ARPP21: variants seen among roughly 807,000 people sequenced by gnomAD.
The protein encoded by ARPP21 is cAMP regulated phosphoprotein 21, also known as cAMP-regulated phosphoprotein 21.
In ARPP21, 69 loss-of-function variants were observed where a neutral mutation model predicts 113.2. The ratio of observed to expected loss-of-function variants is 0.61; its 90% CI spans 0.50 to 0.74. ARPP21 has a LOEUF of 0.74. ARPP21 is among the 30% of genes least tolerant of loss of function. The pLI is 0.00. For synonymous variants in ARPP21, 368 were observed against 375.5 expected (o/e 0.98, Z 0.23); for missense variants, 1,070 against 1,037.4 (o/e 1.03, Z -0.43).
chr3:35,685,158 C>CT (rs2080177217), intron 5 of ARPP21: 1 of 985,274 alleles, frequency 1.0e-6, no homozygotes, highest in African/African-American at 1.7e-5. Context: ...ACTTAATCTG[C>CT]TTTTTGTCCC....
intron 18 of ARPP21, among the ~76,000 whole-genome samples, chr3:35,741,297 G>T (rs911026317): frequency 1.1e-4 from 16 of 152,078 alleles, no homozygotes; most frequent in Non-Finnish European, 1.9e-4. Context: ...GATAAAACAG[G>T]TGTCCATGGT....
chr3:35,661,856 G>A (rs1227051608), intron 1 of ARPP21, among the ~76,000 whole-genome samples: 1 of 152,012 alleles, frequency 6.6e-6, no homozygotes, highest in Non-Finnish European at 1.5e-5. Context: ...TGGTTGTGAG[G>A]TAATAAATGA....
intron 1 of ARPP21, among the ~76,000 whole-genome samples, chr3:35,667,059 C>T (rs1012084809): frequency 4.6e-5 from 7 of 152,100 alleles, no homozygotes; most frequent in Admixed American, 1.3e-4. Flanking sequence ...TCTGCCTCAC[C>T]CCTAGAGTGA....
chr3:35,654,663 C>A (rs1021914286), intron 1 of ARPP21, among the ~76,000 whole-genome samples: 3 of 152,026 alleles, frequency 2.0e-5, no homozygotes, highest in Non-Finnish European at 4.4e-5. Flanking sequence ...TGTTTGTTGG[C>A]AGAGGGTGAC....
chr3:35,780,146 T>A (rs137949523), intron 19 of ARPP21, among the ~76,000 whole-genome samples: 183 of 152,330 alleles, frequency 1.2e-3, no homozygotes, highest in African/African-American at 4.3e-3. Context: ...CTAGCTTTTT[T>A]TCTACCTATG....
At chr3:35,769,442 T>C (rs2096113779) in intron 19 of ARPP21, among the ~76,000 whole-genome samples, 1 of 152,176 alleles carries the variant, frequency 6.6e-6, no homozygotes, top group Admixed American at 6.6e-5. Flanking sequence ...ATCTTAGCTT[T>C]GTGGTTCCAA....
intron 19 of ARPP21, among the ~76,000 whole-genome samples, chr3:35,752,759 T>C (rs2095443438): frequency 6.6e-6 from 1 of 152,066 alleles, no homozygotes; most frequent in Non-Finnish European, 1.5e-5. Context: ...AAATAGTACA[T>C]TTTTATTCAT....
At chr3:35,727,975 G>A (rs1414170456) in intron 14 of ARPP21, among the ~76,000 whole-genome samples, 1 of 151,856 alleles carries the variant, frequency 6.6e-6, no homozygotes, top group African/African-American at 2.4e-5. Context: ...TTACCTGTGT[G>A]TTTGAAAAAT....
At chr3:35,700,368 A>C (rs573548369) in intron 9 of ARPP21, among the ~76,000 whole-genome samples, 67 of 151,902 alleles carry the variant, frequency 4.4e-4, no homozygotes, top group Non-Finnish European at 9.0e-4. Flanking sequence ...ATGCTAGTTT[A>C]TGCCCATTTT....
intron 11 of ARPP21, 132 bp downstream of exon 11, chr3:35,709,202 T>C: frequency 3.1e-6 from 2 of 652,084 alleles, no homozygotes; most frequent in Non-Finnish European, 5.3e-6. Context: ...TGAAGAAAAC[T>C]AGAGGTGATT....
rs73061107 is a variant in ARPP21, at chr3:35,752,576, G to A, written c.2137+8611G>A. ...GCTATCCCCAAGCCCTCTCATGGGA[G>A]ATGAGAAGGTTACTATAACCAGGGT... On this transcript the variant is annotated intron_variant, in intron 19 of 20. Transcript: ENST00000684406. 8.1e-3 allele frequency among the ~76,000 whole-genome samples: 1,230 copies of A among 152,146 alleles called. 7 individuals carry two copies. Among genetic ancestry groups the A allele is most frequent in the South Asian group, 0.016 (78 of 4,824 alleles).
At chr3:35,671,322 TG>T (rs2076289610) in intron 1 of ARPP21, among the ~76,000 whole-genome samples, 1 of 152,192 alleles carries the variant, frequency 6.6e-6, no homozygotes, top group African/African-American at 2.4e-5. Flanking sequence ...AACACAATGT[TG>T]CTACCAAAAT....
Position 35,696,773 on chromosome 3 carries a change from TA to T in ARPP21, c.686+5773del, listed in dbSNP as rs1305314306. Among the ~76,000 whole-genome samples the T allele has an allele frequency of 5.3e-5, 8 of 151,724 alleles. No individual in the cohort carries two copies. In the East Asian group the frequency reaches 1.6e-3, roughly 30 times the overall value. Reference sequence around the variant, plus strand: ...CATTTTTGATATTTAGGATTTAGGTTAAAAATATGAATAGTGATCTTATCAA... The same window carrying T: ...CATTTTTGATATTTAGGATTTAGGTTAAAATATGAATAGTGATCTTATCAA... On this transcript the variant is annotated intron_variant, in intron 9 of 20. Coordinates refer to ENST00000684406, the MANE Select transcript of ARPP21 (RefSeq NM_001385562.1).
intron 19 of ARPP21, among the ~76,000 whole-genome samples, chr3:35,766,608 C>T (rs774803108): frequency 2.0e-5 from 3 of 152,156 alleles, no homozygotes; most frequent in African/African-American, 7.2e-5. Context: ...CCTGCTCAAA[C>T]GCACCCTTTG....
chr3:35,660,421 G>A (rs933500470), intron 1 of ARPP21, among the ~76,000 whole-genome samples: 2 of 152,110 alleles, frequency 1.3e-5, no homozygotes, highest in Non-Finnish European at 2.9e-5. Context: ...CTCTTACTCT[G>A]CTTCCACCCC....
chr3:35,705,995 C>T (rs1403659566), intron 9 of ARPP21, among the ~76,000 whole-genome samples: 1 of 152,106 alleles, frequency 6.6e-6, no homozygotes, highest in Non-Finnish European at 1.5e-5. Flanking sequence ...AATTACTGGT[C>T]ACTCATATTA....
At chr3:35,702,002 A>G (rs1233423593) in intron 9 of ARPP21, among the ~76,000 whole-genome samples, 1 of 151,838 alleles carries the variant, frequency 6.6e-6, no homozygotes, top group South Asian at 2.1e-4. Flanking sequence ...GCAAACCACT[A>G]CTAAGTTGTT....
At chr3:35,775,202 A>G (rs1375899268) in intron 19 of ARPP21, among the ~76,000 whole-genome samples, 1 of 152,168 alleles carries the variant, frequency 6.6e-6, no homozygotes, top group African/African-American at 2.4e-5. Context: ...ACCTAATTAG[A>G]TGCCAAGCTG....
chr3:35,730,063 C>T (rs576662885), intron 15 of ARPP21, among the ~76,000 whole-genome samples: 18 of 152,146 alleles, frequency 1.2e-4, no homozygotes, highest in East Asian at 1.9e-4. Flanking sequence ...ACAGCAGTGG[C>T]GAAGAGAATA....
Sources: allele counts gnomAD v4.1 joint callset (sites outside exome capture counted in the v4.1 genomes callset), GRCh38; gene constraint gnomAD v4.1.1; transcripts MANE v1.5; gene names NCBI Gene and HGNC (gene_info 2026-07-23, HGNC 2026-07-21).